ATP2C2: variants seen among roughly 807,000 people sequenced by gnomAD.
ATP2C2 encodes calcium-transporting ATPase type 2C member 2.
Under a neutral mutation model 110.8 loss-of-function variants are expected in ATP2C2, and 171 were observed. That is an observed-to-expected ratio of 1.54 (90% CI 1.36 to 1.75). The LOEUF (loss-of-function observed/expected upper bound fraction) is 1.75, where lower values mean the gene tolerates loss of function less well. ATP2C2 is among the 40% of genes most tolerant of loss of function. The pLI, the probability that ATP2C2 is intolerant of heterozygous loss-of-function variation, is 0.00. For synonymous variants in ATP2C2, 804 were observed against 508.4 expected (o/e 1.58, Z -7.82); for missense variants, 1,963 against 1,235.0 (o/e 1.59, Z -8.84).
At chr16:84,461,629 G>A in intron 24 of ATP2C2, 85 bp from the exon 25 acceptor site, 1 of 1,217,866 alleles carries the variant, frequency 8.2e-7, no homozygotes, top group Non-Finnish European at 1.2e-6. Flanking sequence ...TGCCCCAGGA[G>A]CAGTGAGGCA....
At chr16:84,448,999 G>T (rs897118929) in intron 17 of ATP2C2, among the ~76,000 whole-genome samples, 1 of 152,206 alleles carries the variant, frequency 6.6e-6, no homozygotes, top group African/African-American at 2.4e-5. Flanking sequence ...TTTGCTCATT[G>T]CCTCTTGTCA....
intron 24 of ATP2C2, chr16:84,461,164 T>C (rs958437847): frequency 1.5e-5 from 4 of 265,650 alleles, no homozygotes; most frequent in African/African-American, 2.3e-5. Flanking sequence ...AGGTGATTGT[T>C]TGCTTTGGAT....
chr16:84,451,593 T>G (rs996844708), intron 17 of ATP2C2, among the ~76,000 whole-genome samples: 1 of 152,140 alleles, frequency 6.6e-6, no homozygotes, highest in Non-Finnish European at 1.5e-5. Context: ...ATCCCAGCAC[T>G]TGGGGAGGCT....
chr16:84,425,502 C>T (rs1907730009), intron 10 of ATP2C2, among the ~76,000 whole-genome samples: 1 of 151,984 alleles, frequency 6.6e-6, no homozygotes. Flanking sequence ...CTGATTGAGC[C>T]TTTTACTTAA....
chr16:84,405,297 G>A, intron 3 of ATP2C2, 53 bp downstream of exon 3: 2 of 1,467,530 alleles, frequency 1.4e-6, no homozygotes, highest in South Asian at 1.2e-5. Flanking sequence ...CAGCGAGGGT[G>A]GGGCAGCCAT....
intron 1 of ATP2C2, among the ~76,000 whole-genome samples, chr16:84,391,936 C>G (rs1904689174): frequency 6.7e-6 from 1 of 149,918 alleles, no homozygotes; most frequent in Non-Finnish European, 1.5e-5. Flanking sequence ...TAAAACAAAA[C>G]TAGGATTATA....
At chr16:84,371,225 A>T (rs1424879685) in intron 1 of ATP2C2, among the ~76,000 whole-genome samples, 1 of 152,168 alleles carries the variant, frequency 6.6e-6, no homozygotes, top group African/African-American at 2.4e-5. Context: ...AATGGAAAGA[A>T]AGGTGTTTGA....
chr16:84,453,636 G>C (rs1448001082), intron 20 of ATP2C2, among the ~76,000 whole-genome samples: 1 of 152,198 alleles, frequency 6.6e-6, no homozygotes, highest in East Asian at 1.9e-4. Flanking sequence ...CCCTTGGCCA[G>C]AACACAGTCA....
At chr16:84,438,957 C>T (rs1375084222) in intron 11 of ATP2C2, 1 of 577,256 alleles carries the variant, frequency 1.7e-6, no homozygotes, top group Non-Finnish European at 2.9e-6. Context: ...GAGGTCCCTT[C>T]CCAAGAGCGG....
At chr16:84,455,052 C>G (rs1397116495) in intron 21 of ATP2C2, 68 bp downstream of exon 21, 19 of 1,401,188 alleles carry the variant, frequency 1.4e-5, no homozygotes, top group South Asian at 8.4e-5. Context: ...TCCCTGGAAC[C>G]TGCTACTGTG....
chr16:84,382,519 A>C (rs1317866595), intron 1 of ATP2C2, among the ~76,000 whole-genome samples: 1 of 152,208 alleles, frequency 6.6e-6, no homozygotes, highest in Non-Finnish European at 1.5e-5. Flanking sequence ...CAGGATGGGC[A>C]GCCAGGTTCC....
intron 23 of ATP2C2, chr16:84,460,339 C>T (rs772094153): frequency 4.0e-5 from 15 of 378,030 alleles, no homozygotes; most frequent in South Asian, 1.8e-4. Flanking sequence ...TTTCTCCAGG[C>T]GCAACGTTGG....
At chr16:84,400,493 A>AT (rs1216213503) in intron 2 of ATP2C2, among the ~76,000 whole-genome samples, 3 of 151,658 alleles carry the variant, frequency 2.0e-5, no homozygotes, top group African/African-American at 2.4e-5. Flanking sequence ...TGCCTGGCTA[A>AT]TTTTTTTGTA....
At chr16:84,445,083 T>G (rs1909621521) in intron 15 of ATP2C2, among the ~76,000 whole-genome samples, 1 of 152,132 alleles carries the variant, frequency 6.6e-6, no homozygotes, top group African/African-American at 2.4e-5. Flanking sequence ...GTCTCCCAGT[T>G]TCTGGGTGTT....
chr16:84,452,557 A>G (rs1421719115), intron 18 of ATP2C2, among the ~76,000 whole-genome samples: 1 of 133,342 alleles, frequency 7.5e-6, no homozygotes, highest in Non-Finnish European at 1.5e-5. Context: ...GGAGTGCAGT[A>G]GTGCAATCTT....
chr16:84,454,742 G>T, intron 20 of ATP2C2, 76 bp from the exon 21 acceptor site: 1 of 1,443,336 alleles, frequency 6.9e-7, no homozygotes, highest in East Asian at 2.5e-5. Context: ...TCTGTGGCTG[G>T]CCACAGGGTG....
rs553224626 is a variant in ATP2C2, at chr16:84,445,650, C to T, written c.1402-679C>T. 4.6e-5 allele frequency among the ~76,000 whole-genome samples: 7 copies of T among 152,294 alleles called. No individual in the cohort carries two copies. The South Asian group carries it at 1.5e-3, about 32-fold the overall frequency. On this transcript the variant is annotated intron_variant, in intron 15 of 26. Transcript: ENST00000262429. ...ACTTCAACATATCTTTTGTGGGGTA[C>T]AATTCAACCCCACTAAGGAGATGGT...
At chr16:84,459,676 C>A in intron 23 of ATP2C2, 5 of 1,244,534 alleles carry the variant, frequency 4.0e-6, no homozygotes, top group Non-Finnish European at 5.6e-6. Flanking sequence ...TCATTCCAGT[C>A]ACCAGTCACT....
intron 1 of ATP2C2, among the ~76,000 whole-genome samples, chr16:84,374,935 A>G (rs973637637): frequency 1.3e-5 from 2 of 152,180 alleles, no homozygotes; most frequent in African/African-American, 4.8e-5. Flanking sequence ...GGACTTCAAA[A>G]ATCATATAGA....
Sources: allele counts gnomAD v4.1 joint callset (sites outside exome capture counted in the v4.1 genomes callset), GRCh38; gene constraint gnomAD v4.1.1; transcripts MANE v1.5; gene names NCBI Gene and HGNC (gene_info 2026-07-23, HGNC 2026-07-21).